The following ALDH6A1 variants were observed in gnomAD, a reference collection of about 807,000 sequenced individuals.
The protein encoded by ALDH6A1 is aldehyde dehydrogenase 6 family member A1.
In ALDH6A1, 43 loss-of-function variants were observed where a neutral mutation model predicts 62.6. The ratio of observed to expected loss-of-function variants is 0.69; its 90% CI spans 0.54 to 0.89. The LOEUF is 0.89. Among genes scored for constraint, ALDH6A1 ranks in the 40% least tolerant of loss-of-function variants. The pLI is 0.00. For missense variants in ALDH6A1, 551 were observed against 661.3 expected, an observed-to-expected ratio of 0.83 and a Z score of 1.83; for synonymous variants, 194 against 234.2, an observed-to-expected ratio of 0.83 and a Z score of 1.57.
In ALDH6A1 at chr14:74,057,832, C is replaced by T. The variant is rs1161804352; in HGVS notation, c.*2810G>A. ...TTTTTTTCATCTAAGAAATAAGAAA[C>T]TCTGAGCAGCAAATAGTTGGCCAGA... On this transcript the variant is annotated 3_prime_UTR_variant, in exon 12 of 12. Transcript: ENST00000553458. 15 of 1,032,256 alleles carry T rather than the reference C, an allele frequency of 1.5e-5. No homozygotes were observed. The highest frequency in any genetic ancestry group is 4.7e-4 in the Middle Eastern group (1 of 2,112). The allele number at this position is 1,032,256 out of a possible 1,614,324, so 63.9% of individuals were successfully genotyped here. A position where few individuals can be genotyped will look rare whatever the true frequency, so the allele number is the denominator to read the frequency against.
rs918573634 is a variant in ALDH6A1 at position 74,059,299 on chromosome 14, C to G, written c.*1343G>C. 5 of 433,548 alleles carry G rather than the reference C, an allele frequency of 1.2e-5. No individual in the cohort carries two copies. Among genetic ancestry groups the G allele is most frequent in the African/African-American group, 4.1e-5 (2 of 48,758 alleles). 26.9% of individuals were successfully genotyped at this position (433,548 alleles called of 1,614,324 possible). A position where few individuals can be genotyped will look rare whatever the true frequency, so the allele number is the denominator to read the frequency against. On this transcript the variant is annotated 3_prime_UTR_variant, in exon 12 of 12. Coordinates refer to ENST00000553458, the MANE Select transcript of ALDH6A1 (RefSeq NM_005589.4). ...ATATATAAAATTTGGCAAGTAATAG[C>G]AGGTTAGATTTGCTTAAGGCAGGTG... is the stretch of plus-strand genomic sequence containing the variant.
intron 1 of ALDH6A1, among the ~76,000 whole-genome samples, chr14:74,076,768 T>G (rs1387456952): frequency 2.0e-5 from 3 of 152,130 alleles, no homozygotes; most frequent in African/African-American, 4.8e-5. Flanking sequence ...CTGGCTGGTC[T>G]CAAACTCCTG....
chr14:74,081,625 T>C (rs1171280716), intron 1 of ALDH6A1, among the ~76,000 whole-genome samples: 2 of 152,184 alleles, frequency 1.3e-5, no homozygotes, highest in Non-Finnish European at 2.9e-5. Flanking sequence ...GTTTACTTCC[T>C]ACTTGCTATA....
In ALDH6A1 at chr14:74,058,556, A is replaced by G. The variant is rs1052514746; in HGVS notation, c.*2086T>C. On this transcript the variant is annotated 3_prime_UTR_variant, in exon 12 of 12. Transcript: ENST00000553458. ...CATTTTATCCAGCCAGGTGGTAGTA[A>G]TAAGCCTCAAATCCACAGGGTACAC... 4 of 151,706 alleles carry G rather than the reference A, an allele frequency of 2.6e-5. No homozygotes were observed. Among genetic ancestry groups the G allele is most frequent in the African/African-American group, 9.7e-5 (4 of 41,266 alleles). The allele number at this position is 151,706 out of a possible 1,614,324, so 9.4% of individuals were successfully genotyped here.
chr14:74,057,171 C>A lies in ALDH6A1; in HGVS notation c.*3471G>T. The A allele has an allele frequency of 6.2e-7, 1 of 1,613,112 alleles. No homozygotes were observed. Among genetic ancestry groups the A allele is most frequent in the East Asian group, 2.2e-5 (1 of 44,846 alleles). Reference sequence around the variant, plus strand: ...ATGAAAGTAAGCTTCAAGATAAAATCTTCATCACCCAGCAAATTGCAATAT... The same window carrying A: ...ATGAAAGTAAGCTTCAAGATAAAATATTCATCACCCAGCAAATTGCAATAT... On this transcript the variant is annotated 3_prime_UTR_variant, in exon 12 of 12. Transcript: ENST00000553458.
chr14:74,057,116 C>T lies in ALDH6A1; in HGVS notation c.*3526G>A, dbSNP rs373110080. 256 of 1,604,216 alleles carry T rather than the reference C, an allele frequency of 1.6e-4. No individual in the cohort carries two copies. The highest frequency in any genetic ancestry group is 6.7e-4 in the Middle Eastern group (4 of 6,000). ...GGTTTCATGTGTGTAGAGTTGTTGA[C>T]GGTTCTGTTATTTTGTCATTATTGC... On this transcript the variant is annotated 3_prime_UTR_variant, in exon 12 of 12. Transcript: ENST00000553458.
intron 6 of ALDH6A1, chr14:74,070,809 CAG>C (rs1242222402): frequency 4.5e-6 from 1 of 224,278 alleles, no homozygotes; most frequent in Non-Finnish European, 8.8e-6. Flanking sequence ...GCCTGAAACA[CAG>C]AAGCACTATT....
chr14:74,081,913 A>G (rs1473001295), intron 1 of ALDH6A1, among the ~76,000 whole-genome samples: 1 of 152,160 alleles, frequency 6.6e-6, no homozygotes, highest in Non-Finnish European at 1.5e-5. Context: ...TCTCTTCAAG[A>G]GTAATTTTCT....
chr14:74,071,575 G>A, intron 5 of ALDH6A1, 78 bp from the exon 6 acceptor site: 2 of 1,609,378 alleles, frequency 1.2e-6, no homozygotes, highest in Non-Finnish European at 1.7e-6. Context: ...CAGCCCTGAG[G>A]ACAGGAAGTG....
rs919576120 is a variant in ALDH6A1, at chr14:74,059,484, T to A, written c.*1158A>T. The A allele has an allele frequency of 7.0e-6, 3 of 430,996 alleles. No homozygotes were observed. Among genetic ancestry groups the A allele is most frequent in the East Asian group, 7.5e-5 (1 of 13,390 alleles). 26.7% of individuals were successfully genotyped at this position (430,996 alleles called of 1,614,324 possible). ...GCCGAGGCAGGCGGATCACCTGAGG[T>A]CAGGAGTTCGAGACCAGCCTGACCA... is the stretch of plus-strand genomic sequence containing the variant. On this transcript the variant is annotated 3_prime_UTR_variant, in exon 12 of 12. Transcript: ENST00000553458.
chr14:74,076,089 T>C (rs1334317360), intron 1 of ALDH6A1, among the ~76,000 whole-genome samples: 1 of 152,134 alleles, frequency 6.6e-6, no homozygotes, highest in Non-Finnish European at 1.5e-5. Context: ...CTTTTTGGGG[T>C]GATGGACATA....
In ALDH6A1 at chr14:74,073,655, G is replaced by A. The variant is rs116613045; in HGVS notation, c.112-1044C>T. On this transcript the variant is annotated intron_variant, in intron 2 of 11. Coordinates refer to ENST00000553458, the MANE Select transcript of ALDH6A1 (RefSeq NM_005589.4). The stretch of plus-strand genomic sequence containing the variant: ...ATTTTTGGCTGGGCAAATGGCTCAC[G>A]CCTGTAATCCCAGCACTTTGGGAGG... 7.1e-4 allele frequency among the ~76,000 whole-genome samples: 108 copies of A among 151,404 alleles called. 1 individual carries two copies. The highest frequency in any genetic ancestry group is 2.5e-3 in the African/African-American group (103 of 41,366).
chr14:74,075,236 C>T (rs550003357), intron 1 of ALDH6A1, among the ~76,000 whole-genome samples: 30 of 152,122 alleles, frequency 2.0e-4, no homozygotes, highest in Non-Finnish European at 2.8e-4. Flanking sequence ...CAGGATAGTA[C>T]TGATTAAAAA....
intron 9 of ALDH6A1, chr14:74,065,813 C>G (rs1383958276): frequency 1.1e-5 from 2 of 183,118 alleles, no homozygotes; most frequent in African/African-American, 4.8e-5. Flanking sequence ...ACTCCTTTGC[C>G]TCCCAAATAT....
rs1566830446 is a variant in ALDH6A1 at position 74,067,455 on chromosome 14, C to A, written c.967G>T (p.Ala323Ser). The A allele has an allele frequency of 6.2e-7, 1 of 1,614,208 alleles. No homozygotes were observed. Among genetic ancestry groups the A allele is most frequent in the East Asian group, 2.2e-5 (1 of 44,886 alleles). The change falls in exon 8 of 12, where the codon GCA becomes TCA. Residue 323 changes from alanine to serine, a missense_variant. Coordinates refer to ENST00000553458, the MANE Select transcript of ALDH6A1 (RefSeq NM_005589.4). ...AGQRCMALSTAVLVGEAKKWL... is the reference protein window; with the variant it reads ...AGQRCMALSTSVLVGEAKKWL... Reference sequence around the variant, plus strand: ...TTCTTGGCTTCTCCCACAAGGACTGCTGTTGAAAGAGCCATGCAGCGCTGA... The same window carrying A: ...TTCTTGGCTTCTCCCACAAGGACTGATGTTGAAAGAGCCATGCAGCGCTGA...
intron 9 of ALDH6A1, 111 bp from the exon 10 acceptor site, chr14:74,065,471 A>G: frequency 2.1e-6 from 2 of 964,840 alleles, no homozygotes; most frequent in East Asian, 2.6e-5. Flanking sequence ...CAACTTTCAT[A>G]TTACTAATCT....
intron 11 of ALDH6A1, among the ~76,000 whole-genome samples, chr14:74,061,253 C>T (rs1237994013): frequency 2.0e-5 from 3 of 152,004 alleles, no homozygotes; most frequent in African/African-American, 7.2e-5. Flanking sequence ...GCTGGAATTA[C>T]AAGTGTGAGC....
chr14:74,072,673 C>T, intron 2 of ALDH6A1, 62 bp from the exon 3 acceptor site: 1 of 1,566,422 alleles, frequency 6.4e-7, no homozygotes, highest in Non-Finnish European at 8.7e-7. Context: ...TAGCTAATTG[C>T]TTTGCTTTTC....
chr14:74,072,079 G>C, intron 4 of ALDH6A1, 105 bp from the exon 5 acceptor site: 1 of 1,562,940 alleles, frequency 6.4e-7, no homozygotes, highest in Non-Finnish European at 8.8e-7. Flanking sequence ...GTACAAGGGA[G>C]AGAGTCATGA....
Sources: allele counts gnomAD v4.1 joint callset (sites outside exome capture counted in the v4.1 genomes callset), GRCh38; gene constraint gnomAD v4.1.1; transcripts MANE v1.5; gene names NCBI Gene and HGNC (gene_info 2026-07-23, HGNC 2026-07-21).